RHOBTB1: variants seen among roughly 807,000 people sequenced by gnomAD.
The protein encoded by RHOBTB1 is rho-related BTB domain-containing protein 1.
RHOBTB1 carries 40 observed loss-of-function variants against 71.6 expected under a neutral mutation model. That is an observed-to-expected ratio of 0.56 (90% CI 0.43 to 0.73). The LOEUF (loss-of-function observed/expected upper bound fraction) is 0.73. Ranked by LOEUF, RHOBTB1 falls within the 30% of genes least tolerant of loss-of-function variation. RHOBTB1 has a pLI of 0.00. For synonymous variants in RHOBTB1, 319 were observed against 334.9 expected (o/e 0.95, Z 0.52); for missense variants, 797 against 894.0 (o/e 0.89, Z 1.38).
chr10:60,911,165 C>A (rs944046492), intron 3 of RHOBTB1, among the ~76,000 whole-genome samples, 175 bp from the exon 4 acceptor site: 15 of 152,178 alleles, frequency 9.9e-5, no homozygotes, highest in African/African-American at 3.4e-4. Context: ...CTGTCTCAAC[C>A]CTCATTCAGG....
chr10:60,904,689 T>G (rs1306587520), intron 4 of RHOBTB1, among the ~76,000 whole-genome samples: 1 of 152,222 alleles, frequency 6.6e-6, no homozygotes, highest in Non-Finnish European at 1.5e-5. Flanking sequence ...TTCTAGGTAC[T>G]GGCTAAAATT....
At chr10:60,986,473 T>C (rs2086674149) in intron 1 of RHOBTB1, among the ~76,000 whole-genome samples, 1 of 144,230 alleles carries the variant, frequency 6.9e-6, no homozygotes, top group Admixed American at 7.0e-5. Flanking sequence ...ACAGTTGAAG[T>C]GATTGAAGTT....
intron 2 of RHOBTB1, chr10:60,912,645 G>A (rs1025835218): frequency 5.9e-5 from 9 of 152,164 alleles, no homozygotes; most frequent in African/African-American, 2.2e-4. Context: ...TACCAGGAGA[G>A]TTACTTTGGA....
intron 4 of RHOBTB1, among the ~76,000 whole-genome samples, chr10:60,902,502 G>A (rs112824276): frequency 0.016 from 2,432 of 152,100 alleles, 54 homozygotes; most frequent in African/African-American, 0.056. Flanking sequence ...ACCTATAATT[G>A]GAAAAGCGTT....
intron 6 of RHOBTB1, among the ~76,000 whole-genome samples, chr10:60,886,695 T>G (rs2081592617): frequency 6.8e-6 from 1 of 147,432 alleles, no homozygotes. Context: ...TGTAACCGAA[T>G]TACTGTTTTT....
intron 4 of RHOBTB1, among the ~76,000 whole-genome samples, chr10:60,899,690 A>G (rs750329128): frequency 5.3e-5 from 8 of 152,216 alleles, no homozygotes; most frequent in Non-Finnish European, 1.0e-4. Context: ...CCTACTGTGT[A>G]CCAGGCATTC....
At chr10:60,875,424 C>G (rs1262595901) in intron 8 of RHOBTB1, among the ~76,000 whole-genome samples, 1 of 152,172 alleles carries the variant, frequency 6.6e-6, no homozygotes, top group Non-Finnish European at 1.5e-5. Flanking sequence ...GCTCAACAGC[C>G]ACATGTGGCC....
chr10:60,912,203 G>GTATATA (rs572293264), intron 2 of RHOBTB1, among the ~76,000 whole-genome samples: 1 of 145,790 alleles, frequency 6.9e-6, no homozygotes, highest in Non-Finnish European at 1.5e-5. Flanking sequence ...ATGTGTGTGT[G>GTATATA]TATATATATG....
At chr10:60,926,679 A>T (rs1175018499) in intron 2 of RHOBTB1, among the ~76,000 whole-genome samples, 1 of 152,240 alleles carries the variant, frequency 6.6e-6, no homozygotes, top group Non-Finnish European at 1.5e-5. Context: ...AAAATTCAAC[A>T]TCCTTCATGA....
upstream of RHOBTB1, among the ~76,000 whole-genome samples, chr10:61,001,643 G>A (rs1267492489): frequency 6.6e-6 from 1 of 152,046 alleles, no homozygotes; most frequent in African/African-American, 2.4e-5. Context: ...CATCCTCGCG[G>A]CCTGCCGGAC....
chr10:60,989,764 T>C (rs748958607), intron 1 of RHOBTB1, among the ~76,000 whole-genome samples: 2 of 152,050 alleles, frequency 1.3e-5, no homozygotes, highest in African/African-American at 4.8e-5. Flanking sequence ...ATGTGCTCTG[T>C]GATGTCCTAG....
At chr10:60,948,191 G>C (rs116301884), upstream of RHOBTB1, among the ~76,000 whole-genome samples, 1,296 of 152,072 alleles carry the variant, frequency 8.5e-3, 14 homozygotes, top group African/African-American at 0.029. Context: ...GAGTTTTTAA[G>C]AGTTTAAAAA....
rs1349012042 is a variant in RHOBTB1 at position 60,891,288 on chromosome 10, T to C, written c.482+1522A>G. On this transcript the variant is annotated intron_variant, in intron 5 of 10. Coordinates refer to ENST00000337910, the MANE Select transcript of RHOBTB1 (RefSeq NM_014836.5). ...AATATAAAATTTTGTAATAAGCCTA[T>C]TAGGTAAATGTCAAAATAAGGGATT... Among the ~76,000 whole-genome samples the C allele has an allele frequency of 3.3e-5, 5 of 151,656 alleles. No homozygotes were observed. The East Asian group carries it at 9.7e-4, about 29-fold the overall frequency.
At chr10:60,923,015 G>A (rs1162411092) in intron 2 of RHOBTB1, among the ~76,000 whole-genome samples, 1 of 152,132 alleles carries the variant, frequency 6.6e-6, no homozygotes, top group Non-Finnish European at 1.5e-5. Flanking sequence ...GAGTAGCTTT[G>A]CTTGTCTGCT....
chr10:60,919,802 C>G (rs1333439027), intron 2 of RHOBTB1, among the ~76,000 whole-genome samples: 1 of 152,180 alleles, frequency 6.6e-6, no homozygotes, highest in Non-Finnish European at 1.5e-5. Context: ...CACAGAAGAT[C>G]GTGCTCTCTA....
intron 1 of RHOBTB1, among the ~76,000 whole-genome samples, chr10:60,988,673 T>C (rs2086754848): frequency 1.3e-5 from 2 of 152,232 alleles, no homozygotes; most frequent in South Asian, 4.1e-4. Flanking sequence ...CCATGGTGTA[T>C]GTACACCACA....
chr10:60,992,331 T>C (rs890111913), intron 1 of RHOBTB1, among the ~76,000 whole-genome samples: 3 of 152,190 alleles, frequency 2.0e-5, no homozygotes, highest in Non-Finnish European at 4.4e-5. Context: ...TGCTAAGATA[T>C]GAAGGTAGTA....
chr10:60,948,856 A>G (rs1231551525), upstream of RHOBTB1, among the ~76,000 whole-genome samples: 2 of 152,230 alleles, frequency 1.3e-5, no homozygotes, highest in Non-Finnish European at 2.9e-5. Context: ...TATACTGCTC[A>G]TGCTTATGGA....
At chr10:60,898,059 T>C (rs2082244691) in intron 4 of RHOBTB1, among the ~76,000 whole-genome samples, 1 of 152,146 alleles carries the variant, frequency 6.6e-6, no homozygotes, top group African/African-American at 2.4e-5. Flanking sequence ...CAATGTACAT[T>C]TGTACAAATT....
Sources: gnomAD v4.1 joint callset for allele counts (sites outside exome capture counted in the v4.1 genomes callset) on GRCh38, gnomAD v4.1.1 for gene constraint, MANE v1.5 for transcripts, NCBI Gene and HGNC (gene_info 2026-07-23, HGNC 2026-07-21) for gene names.